FBXL7: variants seen among roughly 807,000 people sequenced by gnomAD.
FBXL7 encodes the protein F-box/LRR-repeat protein 7.
FBXL7 carries 12 observed loss-of-function variants against 38.3 expected under a neutral mutation model. That is an observed-to-expected ratio of 0.31 (90% CI 0.20 to 0.51). FBXL7 has a LOEUF of 0.51. FBXL7 is among the 20% of genes least tolerant of loss of function. The pLI, the probability that FBXL7 is intolerant of heterozygous loss-of-function variation, is 0.98. For synonymous variants in FBXL7, 297 were observed against 300.9 expected, an observed-to-expected ratio of 0.99 and a Z score of 0.13; for missense variants, 567 against 676.4, an observed-to-expected ratio of 0.84 and a Z score of 1.79.
At chr5:15,897,803 T>C (rs1741140111) in intron 2 of FBXL7, among the ~76,000 whole-genome samples, 1 of 151,944 alleles carries the variant, frequency 6.6e-6, no homozygotes, top group South Asian at 2.1e-4. Flanking sequence ...CAGCAGGCAA[T>C]GCAAGATGTT....
intron 2 of FBXL7, among the ~76,000 whole-genome samples, chr5:15,737,217 A>G (rs1735780532): frequency 1.3e-5 from 2 of 152,138 alleles, no homozygotes; most frequent in African/African-American, 4.8e-5. Context: ...TCTATTCTGC[A>G]CTGTTTATGA....
chr5:15,930,469 G>A (rs1475626811), intron 3 of FBXL7, among the ~76,000 whole-genome samples: 1 of 152,154 alleles, frequency 6.6e-6, no homozygotes, highest in Non-Finnish European at 1.5e-5. Flanking sequence ...AATACAGGCT[G>A]CAAGTAATTG....
At chr5:15,621,645 G>C (rs1323940111) in intron 2 of FBXL7, among the ~76,000 whole-genome samples, 1 of 152,162 alleles carries the variant, frequency 6.6e-6, no homozygotes, top group Non-Finnish European at 1.5e-5. Flanking sequence ...CTCTATGGGC[G>C]GGTGGCTCAG....
chr5:15,912,752 G>T lies in FBXL7; in HGVS notation c.128-15138G>T, dbSNP rs117797817. Among the ~76,000 whole-genome samples the T allele has an allele frequency of 4.5e-4, 68 of 152,020 alleles. 1 individual carries two copies. The East Asian group carries it at 0.012, about 27-fold the overall frequency. ...CTCCACCATAAAAGTCCTGCCTCCC[G>T]CACTCAGGGACCCACCGAAACGCCA... On this transcript the variant is annotated intron_variant, in intron 2 of 3. Transcript: ENST00000504595.
At chr5:15,661,693 C>T (rs887204698) in intron 2 of FBXL7, among the ~76,000 whole-genome samples, 2 of 152,188 alleles carry the variant, frequency 1.3e-5, no homozygotes, top group African/African-American at 4.8e-5. Context: ...TCCTCTCCCT[C>T]CTCCCAACCT....
chr5:15,849,538 G>A (rs1459446481), intron 2 of FBXL7, among the ~76,000 whole-genome samples: 1 of 152,168 alleles, frequency 6.6e-6, no homozygotes, highest in Non-Finnish European at 1.5e-5. Flanking sequence ...ATAAGGGGAA[G>A]TTTCCTTGGA....
At chr5:15,637,554 T>C (rs530231396) in intron 2 of FBXL7, among the ~76,000 whole-genome samples, 1 of 152,350 alleles carries the variant, frequency 6.6e-6, no homozygotes, top group South Asian at 2.1e-4. Context: ...TAAGAGCACA[T>C]GGCTTTATGC....
intron 2 of FBXL7, among the ~76,000 whole-genome samples, chr5:15,634,414 G>A (rs573852564): frequency 1.1e-4 from 15 of 142,722 alleles, no homozygotes; most frequent in African/African-American, 1.5e-4. Context: ...CCCCGCCTCC[G>A]AAGTTCAAGC....
intron 2 of FBXL7, among the ~76,000 whole-genome samples, chr5:15,855,076 AT>A (rs1739216374): frequency 6.6e-6 from 1 of 152,222 alleles, no homozygotes; most frequent in African/African-American, 2.4e-5. Flanking sequence ...CCTCATCCAA[AT>A]TAAGAAAACA....
intron 2 of FBXL7, among the ~76,000 whole-genome samples, chr5:15,864,457 A>G (rs1453048568): frequency 6.6e-6 from 1 of 151,894 alleles, no homozygotes; most frequent in Non-Finnish European, 1.5e-5. Flanking sequence ...TAGCAATCCA[A>G]ATGGACTAAG....
intron 2 of FBXL7, among the ~76,000 whole-genome samples, chr5:15,672,961 C>G (rs891853705): frequency 6.6e-6 from 1 of 152,136 alleles, no homozygotes; most frequent in Non-Finnish European, 1.5e-5. Context: ...TTTGACCGTT[C>G]CACCAGATTT....
intron 2 of FBXL7, among the ~76,000 whole-genome samples, chr5:15,709,801 G>A (rs1308989632): frequency 3.3e-5 from 5 of 152,224 alleles, no homozygotes; most frequent in African/African-American, 1.2e-4. Flanking sequence ...GGCAGATTTG[G>A]TATCTGCTGA....
chr5:15,575,173 G>C (rs1386443521), intron 1 of FBXL7, among the ~76,000 whole-genome samples: 1 of 151,432 alleles, frequency 6.6e-6, no homozygotes, highest in Non-Finnish European at 1.5e-5. Context: ...GGAGTCCCTG[G>C]ATCAGAAAAA....
intron 2 of FBXL7, among the ~76,000 whole-genome samples, chr5:15,636,243 T>A (rs1430458061): frequency 4.6e-5 from 7 of 152,192 alleles, no homozygotes; most frequent in Non-Finnish European, 1.0e-4. Flanking sequence ...ACATACTGTA[T>A]CTTTCCTCTG....
intron 2 of FBXL7, among the ~76,000 whole-genome samples, chr5:15,838,846 T>C (rs1461022574): frequency 1.3e-5 from 2 of 152,204 alleles, no homozygotes; most frequent in African/African-American, 4.8e-5. Flanking sequence ...CACTGAGAGT[T>C]TGAACTACTT....
chr5:15,601,384 G>A (rs920073690), intron 1 of FBXL7, among the ~76,000 whole-genome samples: 3 of 152,042 alleles, frequency 2.0e-5, no homozygotes, highest in South Asian at 2.1e-4. Flanking sequence ...CCCTTAGCCC[G>A]TGCAGCACTC....
Position 15,936,606 on chromosome 5 carries a change from A to G in FBXL7, c.896A>G (p.Gln299Arg), listed in dbSNP as rs1241244190. The G allele has an allele frequency of 6.2e-7, 1 of 1,610,894 alleles. No individual in the cohort carries two copies. The highest frequency in any genetic ancestry group is 2.2e-5 in the East Asian group (1 of 44,876). The change falls in exon 4 of 4, where the codon CAG (glutamine) becomes CGG (arginine). Residue 299 changes from glutamine to arginine, a missense_variant. Transcript: ENST00000504595. The surrounding 1 kb of genome is among the most constrained non-coding windows in gnomAD (Gnocchi z 6.0). ...GLHTIAAHCT[Q>R]LTHLYLRRCV... The stretch of plus-strand genomic sequence containing the variant: ...CACACCATCGCGGCGCACTGCACGC[A>G]GCTCACCCACCTCTACCTGCGCCGC...
intron 2 of FBXL7, among the ~76,000 whole-genome samples, chr5:15,902,400 C>CTTT (rs1325731070): frequency 6.6e-6 from 1 of 152,168 alleles, no homozygotes; most frequent in Non-Finnish European, 1.5e-5. Context: ...CAGCCAGCAT[C>CTTT]TTTTTGCCAT....
At chr5:15,510,857 A>G (rs539800909) in intron 1 of FBXL7, among the ~76,000 whole-genome samples, 4 of 152,346 alleles carry the variant, frequency 2.6e-5, no homozygotes, top group African/African-American at 9.6e-5. Flanking sequence ...GTAATGCTAA[A>G]GACAGCCAAT....
Sources: gnomAD v4.1 joint callset for allele counts (sites outside exome capture counted in the v4.1 genomes callset) on GRCh38, gnomAD v4.1.1 for gene constraint, Gnocchi (gnomAD v3.1) non-coding constraint, MANE v1.5 for transcripts, NCBI Gene and HGNC (gene_info 2026-07-23, HGNC 2026-07-21) for gene names.